IL1RL1: variants seen among roughly 807,000 people sequenced by gnomAD.
IL1RL1 encodes the protein interleukin 1 receptor like 1.
A neutral mutation model predicts 50.9 loss-of-function variants in IL1RL1; 32 were observed. The observed-to-expected ratio is 0.63, with a 90% CI of 0.47 to 0.84. The LOEUF (loss-of-function observed/expected upper bound fraction) is 0.84, where lower values mean the gene tolerates loss of function less well. Ranked by LOEUF, IL1RL1 falls within the 40% of genes least tolerant of loss-of-function variation. IL1RL1 has a pLI of 0.00. For synonymous variants in IL1RL1, 275 were observed against 236.0 expected (o/e 1.17, Z -1.51); for missense variants, 773 against 662.9 (o/e 1.17, Z -1.82).
intron 8 of IL1RL1, chr2:102,345,940 T>C: frequency 9.1e-6 from 9 of 985,424 alleles, no homozygotes; most frequent in Non-Finnish European, 1.1e-5. Flanking sequence ...TTGATCAATG[T>C]CCCTGGTTAC....
At position 102,343,387 on chromosome 2, in the gene IL1RL1, C is replaced by T. The variant is rs1348074917; in HGVS notation, c.942C>T (p.His314=). 6.2e-7 allele frequency: 1 copy of T among 1,614,178 alleles called. No individual in the cohort carries two copies. The highest frequency in any genetic ancestry group is 1.1e-5 in the South Asian group (1 of 91,086). Residue 314 remains histidine, a synonymous_variant, in exon 8 of 11, where the codon CAC becomes CAT. Coordinates refer to ENST00000233954, the MANE Select transcript of IL1RL1 (RefSeq NM_016232.5). ...TGAATTTGCATGGCTTGAGAAGGCA[C>T]ACCGTAAGACTAAGTAGGAAAAATC... The part of the protein sequence containing the change: ...LALNLHGLRR[H]TVRLSRKNPI...
chr2:102,311,951 TA>T lies in IL1RL1; in HGVS notation c.-150+330del, dbSNP rs1676504087. 1.9e-4 allele frequency among the ~76,000 whole-genome samples: 8 copies of T among 41,526 alleles called. 1 individual carries two copies. The South Asian group carries it at 2.0e-3, about 10-fold the overall frequency. 27.2% of individuals were successfully genotyped at this position (41,526 alleles called of 152,430 possible). ...TATATATTATATATAATATTATATATAATATATATTATATATAATATTATAT... is the reference window on the plus strand; with the variant it reads ...TATATATTATATATAATATTATATATATATATATTATATATAATATTATAT... On this transcript the variant is annotated intron_variant, in intron 1 of 10. Transcript: ENST00000233954.
At chr2:102,322,081 G>C (rs1676852894) in intron 1 of IL1RL1, among the ~76,000 whole-genome samples, 1 of 152,130 alleles carries the variant, frequency 6.6e-6, no homozygotes, top group Admixed American at 6.5e-5. Flanking sequence ...GTGGGGCCTG[G>C]CAGTCTAAAA....
At chr2:102,326,931 A>T (rs557342944) in intron 1 of IL1RL1, among the ~76,000 whole-genome samples, 2 of 152,306 alleles carry the variant, frequency 1.3e-5, no homozygotes, top group Admixed American at 1.3e-4. Context: ...CACTGGAAAC[A>T]TTAGACAGAT....
At position 102,338,188 on chromosome 2, in the gene IL1RL1, A is replaced by C. The variant is rs1677399673; in HGVS notation, c.-77A>C. 1.1e-6 allele frequency: 1 copy of C among 911,782 alleles called. No homozygotes were observed. The highest frequency in any genetic ancestry group is 1.8e-6 in the Non-Finnish European group (1 of 561,992). 56.5% of individuals were successfully genotyped at this position (911,782 alleles called of 1,614,324 possible). On this transcript the variant is annotated 5_prime_UTR_variant, in exon 2 of 11. Coordinates refer to ENST00000233954, the MANE Select transcript of IL1RL1 (RefSeq NM_016232.5). ...AACTGCCTCATGTGTGGTGACCTTC[A>C]CTGTCGTATGCCAGTGACTCATCTG...
Position 102,351,776 on chromosome 2 carries a change from C to A in IL1RL1, c.1526C>A (p.Thr509Asn), listed in dbSNP as rs1244281704. The A allele has an allele frequency of 1.9e-6, 3 of 1,613,884 alleles. No individual in the cohort carries two copies. In the African/African-American group the frequency reaches 4.0e-5, roughly 22 times the overall value. ...CAGCATCTTATGAAAGTACAGGGGA[C>A]CATCAAGTGGAGGGAGGACCACATT... ...SLQHLMKVQG[T>N]IKWREDHIAN... Residue 509 changes from threonine (T) to asparagine (N), a missense_variant, in exon 11 of 11, where the codon ACC (threonine) becomes AAC (asparagine). Transcript: ENST00000233954.
At chr2:102,338,525 T>C (rs1677416763) in intron 2 of IL1RL1, among the ~76,000 whole-genome samples, 200 bp downstream of exon 2, 1 of 152,198 alleles carries the variant, frequency 6.6e-6, no homozygotes, top group Non-Finnish European at 1.5e-5. Context: ...CAGTTTGGCT[T>C]TGCATATTCA....
chr2:102,347,935 T>C lies in IL1RL1; in HGVS notation c.971-10T>C. ...GTAGTAATAATAATCTTTTTCTTTCTTTTGAATAGTTGATCATCATAGCAT... is the reference window on the plus strand; with the variant it reads ...GTAGTAATAATAATCTTTTTCTTTCCTTTGAATAGTTGATCATCATAGCAT... On this transcript the variant is annotated splice_polypyrimidine_tract_variant and intron_variant, in intron 8 of 10. Transcript: ENST00000233954. The C allele has an allele frequency of 6.9e-7, 1 of 1,451,808 alleles. No individual in the cohort carries two copies. Among genetic ancestry groups the C allele is most frequent in the South Asian group, 1.2e-5 (1 of 86,472 alleles). The allele number at this position is 1,451,808 out of a possible 1,614,324, so 89.9% of individuals were successfully genotyped here. A position where few individuals can be genotyped will look rare whatever the true frequency, so the allele number is the denominator to read the frequency against.
At chr2:102,322,893 AT>A in intron 1 of IL1RL1, among the ~76,000 whole-genome samples, 1 of 152,116 alleles carries the variant, frequency 6.6e-6, no homozygotes. Context: ...ATGATATGTA[AT>A]ATGTAGTCTT....
At chr2:102,345,871 A>C in intron 8 of IL1RL1, 1 of 985,366 alleles carries the variant, frequency 1.0e-6, no homozygotes, top group Non-Finnish European at 1.2e-6. Context: ...CCCTGCAGCC[A>C]TCCATCCAGC....
chr2:102,340,286 T>C lies in IL1RL1; in HGVS notation c.447+14T>C, dbSNP rs761361178. 1 of 1,574,152 alleles carries C rather than the reference T, an allele frequency of 6.4e-7. No individual in the cohort carries two copies. Among genetic ancestry groups the C allele is most frequent in the Admixed American group, 2.0e-5 (1 of 49,568 alleles). ...GAGTGGTTTAAGGTAAGAAGAAATT[T>C]GGAAGGAAATAGATGAAAATTACAC... On this transcript the variant is annotated intron_variant, in intron 4 of 10. Transcript: ENST00000233954.
At chr2:102,315,348 A>T (rs748821349) in intron 1 of IL1RL1, among the ~76,000 whole-genome samples, 1 of 152,180 alleles carries the variant, frequency 6.6e-6, no homozygotes, top group Non-Finnish European at 1.5e-5. Flanking sequence ...GGGCATTATG[A>T]TCAGAAAATA....
At chr2:102,337,041 A>G (rs1677351445) in intron 1 of IL1RL1, 1 of 152,204 alleles carries the variant, frequency 6.6e-6, no homozygotes, top group African/African-American at 2.4e-5. Context: ...TCAGCCTGAG[A>G]AGTTGATTCT....
At chr2:102,335,084 A>C (rs1677277255) in intron 1 of IL1RL1, among the ~76,000 whole-genome samples, 1 of 152,168 alleles carries the variant, frequency 6.6e-6, no homozygotes, top group African/African-American at 2.4e-5. Flanking sequence ...TGCCAGAGAA[A>C]CAAGCGGACA....
In IL1RL1 at chr2:102,312,012, T is replaced by A. The variant is rs1186882216; in HGVS notation, c.-150+389T>A. ...ATTATATATAATATATTTATATATA[T>A]TATATATAATATATATTATATATTA... On this transcript the variant is annotated intron_variant, in intron 1 of 10. Coordinates refer to ENST00000233954, the MANE Select transcript of IL1RL1 (RefSeq NM_016232.5). Among the ~76,000 whole-genome samples, 12 of 14,104 alleles carry A rather than the reference T, an allele frequency of 8.5e-4. 1 individual carries two copies. Among genetic ancestry groups the A allele is most frequent in the East Asian group, 5.6e-3 (6 of 1,070 alleles). 9.3% of individuals were successfully genotyped at this position (14,104 alleles called of 152,430 possible).
chr2:102,338,347 T>C (rs368223596), intron 2 of IL1RL1, 22 bp downstream of exon 2: 7 of 1,367,524 alleles, frequency 5.1e-6, no homozygotes, highest in Non-Finnish European at 7.1e-6. Context: ...CTTCTAAGTA[T>C]AATTTAAATT....
At position 102,317,115 on chromosome 2, in the gene IL1RL1, G is replaced by C. The variant is rs576528841; in HGVS notation, c.-150+5492G>C. On this transcript the variant is annotated intron_variant, in intron 1 of 10. Coordinates refer to ENST00000233954, the MANE Select transcript of IL1RL1 (RefSeq NM_016232.5). ...CACGCCTGTAATTCCAGCACTTTGGGAGGCCGAGGCAGGTGGATCATGAGG... is the reference window on the plus strand; with the variant it reads ...CACGCCTGTAATTCCAGCACTTTGGCAGGCCGAGGCAGGTGGATCATGAGG... Among the ~76,000 whole-genome samples the C allele has an allele frequency of 1.6e-4, 25 of 152,256 alleles. No individual in the cohort carries two copies. In the South Asian group the frequency reaches 2.5e-3, roughly 15 times the overall value.
rs33934744 is a variant in IL1RL1, at chr2:102,324,013, C to CTTTTT, written c.-150+12400_-150+12404dup. 5.2e-3 allele frequency among the ~76,000 whole-genome samples: 725 copies of CTTTTT among 138,234 alleles called. 11 individuals carry two copies. The highest frequency in any genetic ancestry group is 0.03 in the East Asian group (138 of 4,674). 90.7% of individuals were successfully genotyped at this position (138,234 alleles called of 152,430 possible). On this transcript the variant is annotated intron_variant, in intron 1 of 10. Transcript: ENST00000233954. ...ATGTTTCTAAGATTCATCAGTAGTT[C>CTTTTT]TTTTTTTTTTTTTTGCTGAGTAGTG...
At chr2:102,352,134 C>T (rs566872804), downstream of IL1RL1, 289 of 503,740 alleles carry the variant, frequency 5.7e-4, 3 homozygotes, top group African/African-American at 4.9e-3. Context: ...ATCCTCCAGC[C>T]ACCATTTTCT....
Sources: gnomAD v4.1 joint callset for allele counts (sites outside exome capture counted in the v4.1 genomes callset) on GRCh38, gnomAD v4.1.1 for gene constraint, MANE v1.5 for transcripts, NCBI Gene and HGNC (gene_info 2026-07-23, HGNC 2026-07-21) for gene names.